The following DMRT2 variants were observed in gnomAD, a reference collection of about 807,000 sequenced individuals.
The protein encoded by DMRT2 is doublesex and mab-3 related transcription factor 2.
DMRT2 carries 33 observed loss-of-function variants against 43.5 expected under a neutral mutation model. The observed-to-expected ratio is 0.76, with a 90% CI of 0.58 to 1.01. DMRT2 has a LOEUF of 1.01. DMRT2 is among the 50% of genes least tolerant of loss of function. The pLI is 0.00. For synonymous variants in DMRT2, 395 were observed against 309.2 expected (o/e 1.28, Z -2.91); for missense variants, 1,064 against 748.0 (o/e 1.42, Z -4.93).
rs1422410867 is a variant in DMRT2 at position 1,051,855 on chromosome 9, G to T, written c.242G>T (p.Arg81Leu). ...SPGMPGQPEQ[R>L]GGPQPRPPLA... Reference sequence around the variant, plus strand: ...GGGATGCCCGGCCAGCCGGAGCAGCGGGGGGGACCGCAGCCGAGGCCGCCG... The same window carrying T: ...GGGATGCCCGGCCAGCCGGAGCAGCTGGGGGGACCGCAGCCGAGGCCGCCG... Residue 81 changes from arginine (R) to leucine (L), a missense_variant, in exon 2 of 4, where the codon CGG becomes CTG. Coordinates refer to ENST00000358146, the MANE Select transcript of DMRT2 (RefSeq NM_181872.6). The surrounding 1 kb of genome is among the most constrained non-coding windows in gnomAD (Gnocchi z 5.9). 3 of 1,397,576 alleles carry T rather than the reference G, an allele frequency of 2.1e-6. No homozygotes were observed. Among genetic ancestry groups the T allele is most frequent in the Admixed American group, 3.7e-5 (1 of 27,052 alleles). 86.6% of individuals were successfully genotyped at this position (1,397,576 alleles called of 1,614,324 possible).
rs543196402 is a variant in DMRT2, at chr9:1,053,307, A to T, written c.526-415A>T. ...AATCCGCCCGGCCTCACTGCTTCAC[A>T]GCAGGCCTTGGGCACCTTCTATCCG... is the stretch of plus-strand genomic sequence containing the variant. On this transcript the variant is annotated intron_variant, in intron 2 of 3. Coordinates refer to ENST00000358146, the MANE Select transcript of DMRT2 (RefSeq NM_181872.6). Among the ~76,000 whole-genome samples, 19 of 150,814 alleles carry T rather than the reference A, an allele frequency of 1.3e-4. No homozygotes were observed. The South Asian group carries it at 3.3e-3, about 26-fold the overall frequency.
At chr9:1,053,692 C>A in intron 2 of DMRT2, 30 bp from the exon 3 acceptor site, 1 of 1,585,192 alleles carries the variant, frequency 6.3e-7, no homozygotes, top group Non-Finnish European at 8.6e-7. Context: ...TCTTTCAGGG[C>A]ATTATTGATG....
In DMRT2 at chr9:1,052,066, C is replaced by A; in HGVS notation, c.453C>A (p.Asn151Lys). Residue 151 changes from asparagine (N) to lysine (K), a missense_variant, in exon 2 of 4, where the codon AAC (asparagine) becomes AAA (lysine). By Grantham distance (94) the Asn-to-Lys change is moderately conservative. Coordinates refer to ENST00000358146, the MANE Select transcript of DMRT2 (RefSeq NM_181872.6). ...GCTGGCGCGACTGCCAGTGCGCCAA[C>A]TGCCTGCTGGTGGTGGAGCGGCAGC... ...FCRWRDCQCA[N>K]CLLVVERQRV... is the part of the protein sequence containing the mutation. 6.8e-7 allele frequency: 1 copy of A among 1,467,056 alleles called. No homozygotes were observed. Among genetic ancestry groups the A allele is most frequent in the Non-Finnish European group, 9.0e-7 (1 of 1,114,982 alleles). The allele number at this position is 1,467,056 out of a possible 1,614,324, so 90.9% of individuals were successfully genotyped here. A position where few individuals can be genotyped will look rare whatever the true frequency, so the allele number is the denominator to read the frequency against.
Position 1,051,686 on chromosome 9 carries a change from G to T in DMRT2, c.73G>T (p.Asp25Tyr), listed in dbSNP as rs771128890. 5 of 1,564,116 alleles carry T rather than the reference G, an allele frequency of 3.2e-6. No homozygotes were observed. In the East Asian group the frequency reaches 1.2e-4, roughly 38 times the overall value. The change falls in exon 2 of 4, where the codon GAC (aspartate) becomes TAC (tyrosine). Residue 25 changes from aspartate (D) to tyrosine (Y), a missense_variant. Coordinates refer to ENST00000358146, the MANE Select transcript of DMRT2 (RefSeq NM_181872.6). The surrounding 1 kb of genome is among the most constrained non-coding windows in gnomAD (Gnocchi z 5.9). ...TGTCGAGAGCCTGGAGCTGGAAGAGGACGTCTGCGGGGCGCCGCGGTCCAC... is the reference window on the plus strand; with the variant it reads ...TGTCGAGAGCCTGGAGCTGGAAGAGTACGTCTGCGGGGCGCCGCGGTCCAC... ...IDVESLELEE[D>Y]VCGAPRSTPP...
Position 1,051,909 on chromosome 9 carries a change from C to G in DMRT2, c.296C>G (p.Thr99Ser). The change falls in exon 2 of 4, where the codon ACC becomes AGC. Residue 99 changes from threonine to serine, a missense_variant. Transcript: ENST00000358146. This position sits in a 1 kb window ranked among gnomAD's most constrained non-coding sequence, Gnocchi z 5.9. ...GCGCCTCAGGCCTCACCCGCCGGCA[C>G]CGGTCCCCGAGAGCGCTGCACTCCC... ...PLAPQASPAG[T>S]GPRERCTPAG... The G allele has an allele frequency of 7.3e-7, 1 of 1,362,298 alleles. No homozygotes were observed. Among genetic ancestry groups the G allele is most frequent in the Non-Finnish European group, 9.4e-7 (1 of 1,068,034 alleles). 84.4% of individuals were successfully genotyped at this position (1,362,298 alleles called of 1,614,324 possible). A position where few individuals can be genotyped will look rare whatever the true frequency, so the allele number is the denominator to read the frequency against.
chr9:1,053,650 C>A (rs1303995210), intron 2 of DMRT2, 72 bp from the exon 3 acceptor site: 1 of 1,271,440 alleles, frequency 7.9e-7, no homozygotes, highest in African/African-American at 1.5e-5. Flanking sequence ...GATTTACGGA[C>A]ATCCCGTCCT....
In DMRT2 at chr9:1,056,576, C is replaced by G; in HGVS notation, c.989C>G (p.Thr330Arg). The G allele has an allele frequency of 6.2e-7, 1 of 1,614,234 alleles. No homozygotes were observed. Among genetic ancestry groups the G allele is most frequent in the South Asian group, 1.1e-5 (1 of 91,088 alleles). Residue 330 changes from threonine to arginine, a missense_variant, in exon 4 of 4, where the codon ACA (threonine) becomes AGA (arginine). Coordinates refer to ENST00000358146, the MANE Select transcript of DMRT2 (RefSeq NM_181872.6). ...ATTTCTTCTAATGTCAGCGTGGCCACAACTTATAGACAGTATCCCTTGTCC... is the reference window on the plus strand; with the variant it reads ...ATTTCTTCTAATGTCAGCGTGGCCAGAACTTATAGACAGTATCCCTTGTCC... ...ELISSNVSVATTYRQYPLSSR... is the reference protein window; with the variant it reads ...ELISSNVSVARTYRQYPLSSR...
At chr9:1,054,380 A>T (rs1222924263) in intron 3 of DMRT2, among the ~76,000 whole-genome samples, 1 of 150,688 alleles carries the variant, frequency 6.6e-6, no homozygotes, top group East Asian at 1.9e-4. Flanking sequence ...TGGAAGTTCA[A>T]CCTCAGATTC....
chr9:1,053,591 C>A, intron 2 of DMRT2, 131 bp from the exon 3 acceptor site: 4 of 827,146 alleles, frequency 4.8e-6, no homozygotes, highest in Non-Finnish European at 7.5e-6. Context: ...TTATTTTTCA[C>A]ACGGAATGGG....
Position 1,057,246 on chromosome 9 carries a change from A to T in DMRT2, c.1659A>T (p.Ser553=), listed in dbSNP as rs780429301. The change falls in exon 4 of 4, where the codon TCA becomes TCT. Residue 553 remains serine (S), a synonymous_variant. Coordinates refer to ENST00000358146, the MANE Select transcript of DMRT2 (RefSeq NM_181872.6). ...FSVESILKRP[S]SAITRVSQ ...TTGAGTCTATTCTTAAGAGGCCTTC[A>T]TCTGCCATCACTCGTGTCTCTCAGT... 1 of 1,612,350 alleles carries T rather than the reference A, an allele frequency of 6.2e-7. No homozygotes were observed. Among genetic ancestry groups the T allele is most frequent in the Non-Finnish European group, 8.5e-7 (1 of 1,179,392 alleles).
At position 1,056,250 on chromosome 9, in the gene DMRT2, A is replaced by T. The variant is rs117442751; in HGVS notation, c.663A>T (p.Gly221=). 94 of 1,613,772 alleles carry T rather than the reference A, an allele frequency of 5.8e-5. No homozygotes were observed. Among genetic ancestry groups the T allele is most frequent in the Non-Finnish European group, 7.8e-5 (92 of 1,179,886 alleles). The part of the protein sequence containing the change: ...YRPIPAETYV[G]GTFPLPPPVS... Reference sequence around the variant, plus strand: ...CCATTCCAGCGGAGACTTATGTAGGAGGGACCTTCCCTCTACCTCCCCCAG... The same window carrying T: ...CCATTCCAGCGGAGACTTATGTAGGTGGGACCTTCCCTCTACCTCCCCCAG... Residue 221 remains glycine (G), a synonymous_variant, in exon 4 of 4, where the codon GGA becomes GGT. Transcript: ENST00000358146.
intron 3 of DMRT2, chr9:1,055,622 C>A: frequency 9.9e-6 from 12 of 1,207,476 alleles, no homozygotes; most frequent in Non-Finnish European, 1.3e-5. Flanking sequence ...TAGTTAACAG[C>A]TCTTTTCAAT....
chr9:1,055,672 T>C, intron 3 of DMRT2: 3 of 1,442,416 alleles, frequency 2.1e-6, no homozygotes, highest in Non-Finnish European at 2.8e-6. Context: ...TTTTTTTCTT[T>C]TTCTACTCGC....
At position 1,052,094 on chromosome 9, in the gene DMRT2, G is replaced by T; in HGVS notation, c.481G>T (p.Val161Phe). Reference protein sequence around the residue: ...NCLLVVERQRVMAAQVALRRQ... With the variant: ...NCLLVVERQRFMAAQVALRRQ... ...CCTGCTGGTGGTGGAGCGGCAGCGC[G>T]TCATGGCCGCCCAGGTGGCGCTCCG... The change falls in exon 2 of 4, where the codon GTC becomes TTC. Residue 161 changes from valine (V) to phenylalanine (F), a missense_variant. Coordinates refer to ENST00000358146, the MANE Select transcript of DMRT2 (RefSeq NM_181872.6). The T allele has an allele frequency of 6.9e-7, 1 of 1,445,962 alleles. No individual in the cohort carries two copies. Among genetic ancestry groups the T allele is most frequent in the Non-Finnish European group, 9.0e-7 (1 of 1,106,368 alleles). 89.6% of individuals were successfully genotyped at this position (1,445,962 alleles called of 1,614,324 possible). A position where few individuals can be genotyped will look rare whatever the true frequency, so the allele number is the denominator to read the frequency against.
intron 2 of DMRT2, among the ~76,000 whole-genome samples, chr9:1,052,497 C>T (rs1442246198): frequency 6.6e-6 from 1 of 152,002 alleles, no homozygotes; most frequent in Admixed American, 6.5e-5. Context: ...GGTTGATCCA[C>T]AGCACGGCGT....
In DMRT2 at chr9:1,057,420, G is replaced by A. The variant is rs1325884208; in HGVS notation, c.*147G>A. On this transcript the variant is annotated 3_prime_UTR_variant, in exon 4 of 4. Coordinates refer to ENST00000358146, the MANE Select transcript of DMRT2 (RefSeq NM_181872.6). ...GAAAAATTTTATATATTCCTAATAT[G>A]CATGTACTTTTTCTTATCACATATA... 3 of 836,090 alleles carry A rather than the reference G, an allele frequency of 3.6e-6. No homozygotes were observed. The highest frequency in any genetic ancestry group is 3.4e-5 in the African/African-American group (2 of 58,092). 51.8% of individuals were successfully genotyped at this position (836,090 alleles called of 1,614,324 possible).
Position 1,057,220 on chromosome 9 carries a change from G to A in DMRT2, c.1633G>A (p.Val545Ile), listed in dbSNP as rs757543051. ...GGTGAATGAACCACTGTCATTTTCT[G>A]TTGAGTCTATTCTTAAGAGGCCTTC... The part of the protein sequence containing the change: ...LSVNEPLSFS[V>I]ESILKRPSSA... The change falls in exon 4 of 4, where the codon GTT becomes ATT. Residue 545 changes from valine to isoleucine, a missense_variant. Transcript: ENST00000358146. 11 of 1,613,858 alleles carry A rather than the reference G, an allele frequency of 6.8e-6. No homozygotes were observed. Among genetic ancestry groups the A allele is most frequent in the Non-Finnish European group, 9.3e-6 (11 of 1,179,982 alleles).
chr9:1,051,960 A>T lies in DMRT2; in HGVS notation c.347A>T (p.Lys116Met), dbSNP rs766112373. 5 of 1,406,706 alleles carry T rather than the reference A, an allele frequency of 3.6e-6. No individual in the cohort carries two copies. Among genetic ancestry groups the T allele is most frequent in the Non-Finnish European group, 3.7e-6 (4 of 1,086,564 alleles). The allele number at this position is 1,406,706 out of a possible 1,614,324, so 87.1% of individuals were successfully genotyped here. A position where few individuals can be genotyped will look rare whatever the true frequency, so the allele number is the denominator to read the frequency against. The stretch of plus-strand genomic sequence containing the variant: ...GCGGGCGGCGGCGCGGAGCCGCGCA[A>T]GCTGAGCCGCACGCCCAAGTGCGCG... ...TPAGGGAEPR[K>M]LSRTPKCARC... Residue 116 changes from lysine (K) to methionine (M), a missense_variant, in exon 2 of 4, where the codon AAG becomes ATG. By Grantham distance (95) the Lys-to-Met change is moderately conservative. Transcript: ENST00000358146. This position sits in a 1 kb window ranked among gnomAD's most constrained non-coding sequence, Gnocchi z 5.9.
chr9:1,057,126 G>A lies in DMRT2; in HGVS notation c.1539G>A (p.Lys513=). ...HRECLVKDNQ[K]YTFTIDRCAK... ...AGTGTTTAGTTAAGGACAACCAGAA[G>A]TACACATTTACAATAGATAGATGTG... is the stretch of plus-strand genomic sequence containing the variant. Residue 513 remains lysine, a synonymous_variant, in exon 4 of 4, where the codon AAG becomes AAA. Transcript: ENST00000358146. 1.2e-6 allele frequency: 2 copies of A among 1,614,004 alleles called. No individual in the cohort carries two copies. The highest frequency in any genetic ancestry group is 2.2e-5 in the South Asian group (2 of 91,068).
Sources: allele counts gnomAD v4.1 joint callset (sites outside exome capture counted in the v4.1 genomes callset), GRCh38; gene constraint gnomAD v4.1.1; non-coding constraint Gnocchi (gnomAD v3.1); transcripts MANE v1.5; gene names NCBI Gene and HGNC (gene_info 2026-07-23, HGNC 2026-07-21).